The following WDR72 variants were observed in gnomAD, a reference collection of about 807,000 sequenced individuals.
WDR72 encodes WD repeat domain 72, also known as WD repeat-containing protein 72.
In WDR72, 120 loss-of-function variants were observed where a neutral mutation model predicts 124.2. The observed-to-expected ratio is 0.97, with a 90% CI of 0.83 to 1.12. The LOEUF is 1.12. Among genes scored for constraint, WDR72 ranks in the 50% most tolerant of loss-of-function variants. The pLI is 0.00. For missense variants in WDR72, 1,387 were observed against 1,278.8 expected (o/e 1.08, Z -1.29); for synonymous variants, 452 against 441.7 (o/e 1.02, Z -0.29).
intron 18 of WDR72, among the ~76,000 whole-genome samples, chr15:53,564,119 G>A (rs546524886): frequency 6.6e-6 from 1 of 151,902 alleles, no homozygotes; most frequent in Admixed American, 6.6e-5. Flanking sequence ...AACCAAGAAA[G>A]CCCAGCTGTT....
rs573837099 is a variant in WDR72, at chr15:53,555,038, G to A, written c.3149-31716C>T. ...TGTTAGCTGGCTCCATCACACCACT[G>A]AGTATAGAGGGGCTATTGGTATCTT... is the stretch of plus-strand genomic sequence containing the variant. On this transcript the variant is annotated intron_variant, in intron 18 of 19. Coordinates refer to ENST00000360509, the MANE Select transcript of WDR72 (RefSeq NM_182758.4). 2.0e-5 allele frequency among the ~76,000 whole-genome samples: 3 copies of A among 152,190 alleles called. No individual in the cohort carries two copies. The South Asian group carries it at 6.2e-4, about 32-fold the overall frequency.
rs74017418 is a variant in WDR72 at position 53,535,270 on chromosome 15, C to T, written c.3149-11948G>A. Among the ~76,000 whole-genome samples the T allele has an allele frequency of 7.7e-3, 1,174 of 152,108 alleles. 13 individuals are homozygous for T. The highest frequency in any genetic ancestry group is 0.027 in the African/African-American group (1,134 of 41,504). On this transcript the variant is annotated intron_variant, in intron 18 of 19. Transcript: ENST00000360509. Reference sequence around the variant, plus strand: ...TGTCTCTAAATCCTTTCCAGGGCACCGTTAAGTTATTTTAAAATATTTCCT... The same window carrying T: ...TGTCTCTAAATCCTTTCCAGGGCACTGTTAAGTTATTTTAAAATATTTCCT...
At chr15:53,734,530 C>T (rs931330736) in intron 1 of WDR72, among the ~76,000 whole-genome samples, 6 of 152,048 alleles carry the variant, frequency 3.9e-5, no homozygotes, top group African/African-American at 1.4e-4. Flanking sequence ...TTGTTGCTTC[C>T]TGACCAAGCT....
chr15:53,668,991 G>GAA lies in WDR72; in HGVS notation c.1766-3224_1766-3223insTT, dbSNP rs1567016133. Reference sequence around the variant, plus strand: ...AGGAGGAGGAGGAGAAGGAGAAGGAGGAGGAGAAGGAGAAGGAGAAGGAGA... The same window carrying GAA: ...AGGAGGAGGAGGAGAAGGAGAAGGAGAAGAGGAGAAGGAGAAGGAGAAGGAGA... On this transcript the variant is annotated intron_variant, in intron 13 of 19. Coordinates refer to ENST00000360509, the MANE Select transcript of WDR72 (RefSeq NM_182758.4). Among the ~76,000 whole-genome samples the GAA allele has an allele frequency of 1.5e-4, 15 of 98,972 alleles. No homozygotes were observed. The East Asian group carries it at 2.1e-3, about 14-fold the overall frequency. The allele number at this position is 98,972 out of a possible 152,430, so 64.9% of individuals were successfully genotyped here.
At chr15:53,544,499 A>G (rs2140266662) in intron 18 of WDR72, among the ~76,000 whole-genome samples, 1 of 141,788 alleles carries the variant, frequency 7.1e-6, no homozygotes, top group South Asian at 2.3e-4. Context: ...TTAGGTATTG[A>G]TGGGACGTAT....
chr15:53,587,954 G>A (rs2012303418), intron 18 of WDR72, among the ~76,000 whole-genome samples: 1 of 151,914 alleles, frequency 6.6e-6, no homozygotes, highest in African/African-American at 2.4e-5. Flanking sequence ...CTCTGCCTTG[G>A]TTTTGCCTTC....
At chr15:53,761,602 G>C (rs1384366227), upstream of WDR72, among the ~76,000 whole-genome samples, 48 of 152,120 alleles carry the variant, frequency 3.2e-4, no homozygotes, top group Admixed American at 3.0e-3. Flanking sequence ...GAGGTGAATA[G>C]ATTGCTTGCT....
At chr15:53,667,397 C>T (rs911224137) in intron 13 of WDR72, among the ~76,000 whole-genome samples, 9 of 148,208 alleles carry the variant, frequency 6.1e-5, no homozygotes, top group Admixed American at 3.5e-4. Context: ...TATGCAACAG[C>T]TAGATATTCT....
chr15:53,581,881 A>G (rs979770624), intron 18 of WDR72, among the ~76,000 whole-genome samples: 1 of 152,060 alleles, frequency 6.6e-6, no homozygotes, highest in Non-Finnish European at 1.5e-5. Context: ...AGGAATTAAT[A>G]ATTTTGAATT....
intron 13 of WDR72, among the ~76,000 whole-genome samples, chr15:53,694,335 C>T (rs1029482374): frequency 6.6e-6 from 1 of 152,196 alleles, no homozygotes; most frequent in Non-Finnish European, 1.5e-5. Flanking sequence ...TTTGCTTCTC[C>T]TCCCTTCCCA....
intron 16 of WDR72, 52 bp from the exon 17 acceptor site, chr15:53,609,644 T>C (rs1342183165): frequency 6.7e-7 from 1 of 1,484,594 alleles, no homozygotes; most frequent in Non-Finnish European, 9.4e-7. Context: ...AAATGGATAA[T>C]GGCTCTTAAG....
chr15:53,563,092 T>G (rs1251841059), intron 18 of WDR72, among the ~76,000 whole-genome samples: 2 of 151,820 alleles, frequency 1.3e-5, no homozygotes, highest in Non-Finnish European at 2.9e-5. Flanking sequence ...CACTTGGTTT[T>G]TCTTCATCAC....
intron 18 of WDR72, among the ~76,000 whole-genome samples, chr15:53,558,446 T>C (rs1894007201): frequency 6.6e-6 from 1 of 152,086 alleles, no homozygotes; most frequent in Non-Finnish European, 1.5e-5. Flanking sequence ...TAATACTATG[T>C]ATCACATTAG....
At chr15:53,585,811 T>C (rs767362121) in intron 18 of WDR72, among the ~76,000 whole-genome samples, 1 of 151,984 alleles carries the variant, frequency 6.6e-6, no homozygotes, top group Non-Finnish European at 1.5e-5. Context: ...GGGTCAGATA[T>C]TAAAGGCACT....
chr15:53,622,885 G>C (rs117631154), intron 14 of WDR72, among the ~76,000 whole-genome samples: 5 of 152,018 alleles, frequency 3.3e-5, no homozygotes, highest in South Asian at 2.1e-4. Context: ...TACCCTCCCC[G>C]CAAAACAGCT....
At chr15:53,633,880 C>T (rs188635069) in intron 14 of WDR72, among the ~76,000 whole-genome samples, 39 of 152,190 alleles carry the variant, frequency 2.6e-4, no homozygotes, top group Admixed American at 1.4e-3. Context: ...CAAACACAAA[C>T]GCCCAATATG....
intron 18 of WDR72, among the ~76,000 whole-genome samples, chr15:53,587,874 G>C (rs1249535321): frequency 1.3e-5 from 2 of 152,026 alleles, no homozygotes; most frequent in Non-Finnish European, 2.9e-5. Context: ...GTAAAAGAAA[G>C]AACTAACAAC....
chr15:53,710,354 T>TAC (rs138077078), intron 9 of WDR72, among the ~76,000 whole-genome samples: 6,044 of 148,750 alleles, frequency 0.041, 205 homozygotes, highest in Non-Finnish European at 0.051. Context: ...TTTGTACGTA[T>TAC]ACACACACAC....
chr15:53,680,621 A>G (rs1424232568), intron 13 of WDR72, among the ~76,000 whole-genome samples: 1 of 152,224 alleles, frequency 6.6e-6, no homozygotes, highest in African/African-American at 2.4e-5. Context: ...TATCTTAGTT[A>G]TCTTCCTAGA....
Sources: allele counts gnomAD v4.1 joint callset (sites outside exome capture counted in the v4.1 genomes callset), GRCh38; gene constraint gnomAD v4.1.1; transcripts MANE v1.5; gene names NCBI Gene and HGNC (gene_info 2026-07-23, HGNC 2026-07-21).